The following ZNF521 variants were observed in gnomAD, a reference collection of about 807,000 sequenced individuals.
ZNF521 encodes the protein LYST-interacting protein 3.
A neutral mutation model predicts 105.5 loss-of-function variants in ZNF521; 14 were observed. The observed-to-expected ratio is 0.13, with a 90% CI of 0.09 to 0.21. The LOEUF is 0.21. Ranked by LOEUF, ZNF521 falls within the 10% of genes least tolerant of loss-of-function variation. The probability of loss-of-function intolerance (pLI) is 1.00; values close to 1 mark genes in which losing one functional copy is unlikely to be tolerated. For synonymous variants in ZNF521, 635 were observed against 606.0 expected, an observed-to-expected ratio of 1.05 and a Z score of -0.70; for missense variants, 1,233 against 1,629.7, an observed-to-expected ratio of 0.76 and a Z score of 4.19.
intron 3 of ZNF521, among the ~76,000 whole-genome samples, chr18:25,313,039 A>G (rs1248988599): frequency 6.6e-6 from 1 of 152,142 alleles, no homozygotes; most frequent in Non-Finnish European, 1.5e-5. Context: ...TCTGAAATAC[A>G]GGGTACATTA....
intron 4 of ZNF521, among the ~76,000 whole-genome samples, chr18:25,215,414 A>G (rs556863398): frequency 7.2e-5 from 11 of 152,236 alleles, no homozygotes; most frequent in African/African-American, 2.6e-4. Context: ...AGATCCAGAC[A>G]TCCGGAATAT....
intron 5 of ZNF521, among the ~76,000 whole-genome samples, chr18:25,109,400 A>G (rs1244135805): frequency 6.6e-6 from 1 of 152,196 alleles, no homozygotes; most frequent in Non-Finnish European, 1.5e-5. Flanking sequence ...CACTGTGACT[A>G]GTGCTGCAAT....
rs147562143 is a variant in ZNF521, at chr18:25,164,802, T to C, written c.3658+30358A>G. On this transcript the variant is annotated intron_variant, in intron 5 of 7. Coordinates refer to ENST00000361524, the MANE Select transcript of ZNF521 (RefSeq NM_015461.3). ...TATTTATGCTGAAAGTGACAGAAGA[T>C]GACCAGCTGGCATTTTTTACTCTTA... Among the ~76,000 whole-genome samples the C allele has an allele frequency of 1.1e-3, 175 of 152,344 alleles. 1 individual carries two copies. Among genetic ancestry groups the C allele is most frequent in the African/African-American group, 3.7e-3 (154 of 41,576 alleles).
At chr18:25,143,344 T>G (rs922342054) in intron 5 of ZNF521, among the ~76,000 whole-genome samples, 2 of 152,112 alleles carry the variant, frequency 1.3e-5, no homozygotes, top group Admixed American at 1.3e-4. Flanking sequence ...TACCAATAGT[T>G]AGAGTCCTGT....
chr18:25,352,134 A>T lies in ZNF521; in HGVS notation c.-131T>A, dbSNP rs574348328. ...ACCCGCAGGGACTCGCTCTGTACGT[A>T]ATCACTGAGGAAATCATTGTCAGCC... is the stretch of plus-strand genomic sequence containing the variant. On this transcript the variant is annotated 5_prime_UTR_variant, in exon 1 of 8. Coordinates refer to ENST00000361524, the MANE Select transcript of ZNF521 (RefSeq NM_015461.3). 24 of 423,786 alleles carry T rather than the reference A, an allele frequency of 5.7e-5. No individual in the cohort carries two copies. The highest frequency in any genetic ancestry group is 4.8e-6 in the Non-Finnish European group (1 of 206,550). The allele number at this position is 423,786 out of a possible 1,614,324, so 26.3% of individuals were successfully genotyped here. A position where few individuals can be genotyped will look rare whatever the true frequency, so the allele number is the denominator to read the frequency against.
At chr18:25,120,291 T>C (rs1290349088) in intron 5 of ZNF521, among the ~76,000 whole-genome samples, 2 of 152,062 alleles carry the variant, frequency 1.3e-5, no homozygotes, top group African/African-American at 4.8e-5. Context: ...TTATAAAACT[T>C]GTAGGATCAG....
At chr18:25,070,328 C>T (rs528350730) in intron 7 of ZNF521, among the ~76,000 whole-genome samples, 85 of 152,204 alleles carry the variant, frequency 5.6e-4, no homozygotes, top group African/African-American at 1.6e-3. Context: ...GTGCTAACTA[C>T]GTCCAGAAAA....
intron 3 of ZNF521, among the ~76,000 whole-genome samples, chr18:25,267,819 G>C (rs1909374674): frequency 1.3e-5 from 2 of 152,120 alleles, no homozygotes; most frequent in African/African-American, 4.8e-5. Context: ...CCATGAAAAT[G>C]GGGAGAAACA....
At chr18:25,202,761 A>G (rs1232663209) in intron 4 of ZNF521, 1 of 152,242 alleles carries the variant, frequency 6.6e-6, no homozygotes, top group Non-Finnish European at 1.5e-5. Context: ...CAAATGCTCA[A>G]TAACTCAGAC....
At position 25,075,812 on chromosome 18, in the gene ZNF521, T is replaced by C. The variant is rs537187172; in HGVS notation, c.3907-13071A>G. ...AAAGTTATTGTCACATCCTAAAACATATGCTTTAAAGGGAACTTCTTTTTC... is the reference window on the plus strand; with the variant it reads ...AAAGTTATTGTCACATCCTAAAACACATGCTTTAAAGGGAACTTCTTTTTC... On this transcript the variant is annotated intron_variant, in intron 7 of 7. Coordinates refer to ENST00000361524, the MANE Select transcript of ZNF521 (RefSeq NM_015461.3). Among the ~76,000 whole-genome samples, 4 of 152,304 alleles carry C rather than the reference T, an allele frequency of 2.6e-5. No individual in the cohort carries two copies. In the East Asian group the frequency reaches 7.7e-4, roughly 29 times the overall value.
At chr18:25,299,572 G>A (rs1911514898) in intron 3 of ZNF521, among the ~76,000 whole-genome samples, 1 of 152,128 alleles carries the variant, frequency 6.6e-6, no homozygotes, top group Non-Finnish European at 1.5e-5. Context: ...AACACTGTAA[G>A]GTCTTTCATA....
In ZNF521 at chr18:25,062,416, C is replaced by A; in HGVS notation, c.*296G>T. ...ATACTTTATCTTAAGCCATTTTGGT[C>A]ATAGTCTTTTTTTTTTTTTAATCTT... On this transcript the variant is annotated 3_prime_UTR_variant, in exon 8 of 8. Transcript: ENST00000361524. 2.8e-6 allele frequency: 1 copy of A among 355,622 alleles called. No homozygotes were observed. The highest frequency in any genetic ancestry group is 4.9e-6 in the Non-Finnish European group (1 of 202,884). 22.0% of individuals were successfully genotyped at this position (355,622 alleles called of 1,614,324 possible).
chr18:25,312,837 A>G lies in ZNF521; in HGVS notation c.220+9171T>C, dbSNP rs1912394807. Among the ~76,000 whole-genome samples, 2 of 36,572 alleles carry G rather than the reference A, an allele frequency of 5.5e-5. 1 individual carries two copies. Among genetic ancestry groups the G allele is most frequent in the Admixed American group, 6.1e-4 (2 of 3,266 alleles). 24.0% of individuals were successfully genotyped at this position (36,572 alleles called of 152,430 possible). On this transcript the variant is annotated intron_variant, in intron 3 of 7. Transcript: ENST00000361524. ...CGTCTCAAAAAAAAAAAAAAAAAAAAAAAAGAAGTTGGAACCAACTATAGA... is the reference window on the plus strand; with the variant it reads ...CGTCTCAAAAAAAAAAAAAAAAAAAGAAAAGAAGTTGGAACCAACTATAGA...
chr18:25,205,141 TA>T (rs34563599), intron 4 of ZNF521, among the ~76,000 whole-genome samples: 18,686 of 73,366 alleles, frequency 0.25, 1,432 homozygotes, highest in Middle Eastern at 0.32. Context: ...GTAGTGAAGG[TA>T]AAAAAAAAAA....
chr18:25,118,186 T>A (rs2034366333), intron 5 of ZNF521, among the ~76,000 whole-genome samples: 1 of 151,958 alleles, frequency 6.6e-6, no homozygotes, highest in Admixed American at 6.6e-5. Context: ...TAATTTTATA[T>A]CCAATAAAGA....
At position 25,078,498 on chromosome 18, in the gene ZNF521, C is replaced by G. The variant is rs1449868869; in HGVS notation, c.3906+10967G>C. Among the ~76,000 whole-genome samples, 8 of 152,110 alleles carry G rather than the reference C, an allele frequency of 5.3e-5. No individual in the cohort carries two copies. In the East Asian group the frequency reaches 1.5e-3, roughly 29 times the overall value. On this transcript the variant is annotated intron_variant, in intron 7 of 7. Coordinates refer to ENST00000361524, the MANE Select transcript of ZNF521 (RefSeq NM_015461.3). ...CCAAACATCAGAATGAGACCGTGAG[C>G]CAATTACACGCGAGGCAGAATTATG...
intron 3 of ZNF521, among the ~76,000 whole-genome samples, chr18:25,297,581 A>G (rs1911394882): frequency 6.6e-6 from 1 of 152,168 alleles, no homozygotes; most frequent in Non-Finnish European, 1.5e-5. Context: ...AGAAACTAAC[A>G]ATATCGTAAT....
chr18:25,340,016 T>C (rs1184624288), intron 2 of ZNF521, among the ~76,000 whole-genome samples: 1 of 152,138 alleles, frequency 6.6e-6, no homozygotes, highest in Non-Finnish European at 1.5e-5. Context: ...TAGATGAACA[T>C]GAATTGAAGG....
intron 3 of ZNF521, among the ~76,000 whole-genome samples, chr18:25,261,762 G>A (rs1568041423): frequency 6.6e-6 from 1 of 151,962 alleles, no homozygotes; most frequent in Non-Finnish European, 1.5e-5. Context: ...ACTCTATTAA[G>A]CTTGTCTCCA....
Sources: allele counts gnomAD v4.1 joint callset (sites outside exome capture counted in the v4.1 genomes callset), GRCh38; gene constraint gnomAD v4.1.1; transcripts MANE v1.5; gene names NCBI Gene and HGNC (gene_info 2026-07-23, HGNC 2026-07-21).